Variants in TENM2 observed in about 807,000 individuals in gnomAD.
The protein encoded by TENM2 is teneurin-2.
In TENM2, 52 loss-of-function variants were observed where a neutral mutation model predicts 245.2. The observed-to-expected ratio is 0.21, with a 90% confidence interval of 0.17 to 0.27. The LOEUF is 0.27. TENM2 is among the 10% of genes least tolerant of loss of function. The pLI, the probability that TENM2 is intolerant of heterozygous loss-of-function variation, is 1.00. For synonymous variants in TENM2, 1,363 were observed against 1,438.9 expected, an observed-to-expected ratio of 0.95 and a Z score of 1.19; for missense variants, 3,046 against 3,666.8, an observed-to-expected ratio of 0.83 and a Z score of 4.37.
intron 2 of TENM2, among the ~76,000 whole-genome samples, chr5:167,452,962 T>TATATA (rs1406197551): frequency 5.2e-4 from 50 of 96,766 alleles, no homozygotes; most frequent in Non-Finnish European, 7.3e-4. Flanking sequence ...TATATATATA[T>TATATA]TTAAAAAAAA....
chr5:167,971,361 A>G (rs1452990587), intron 4 of TENM2, among the ~76,000 whole-genome samples: 2 of 72,816 alleles, frequency 2.7e-5, no homozygotes, highest in Admixed American at 3.3e-4. Flanking sequence ...ACTACATTAG[A>G]AAATATTAGA....
chr5:168,229,979 C>T (rs548448747), intron 25 of TENM2: 45 of 152,298 alleles, frequency 3.0e-4, no homozygotes, highest in African/African-American at 1.1e-3. Context: ...GTAATCGTGC[C>T]TTTTCTCTGA....
At chr5:167,786,210 A>G (rs1036510341) in intron 2 of TENM2, among the ~76,000 whole-genome samples, 5 of 152,176 alleles carry the variant, frequency 3.3e-5, no homozygotes, top group African/African-American at 9.7e-5. Flanking sequence ...GCAGAATGCT[A>G]TTGTTTACAC....
chr5:167,294,656 A>G (rs149431294), intron 1 of TENM2, among the ~76,000 whole-genome samples: 278 of 152,152 alleles, frequency 1.8e-3, no homozygotes, highest in Non-Finnish European at 2.9e-3. Flanking sequence ...ATTAATGTAC[A>G]TAGGACATAT....
chr5:167,523,261 C>T (rs932397106), intron 2 of TENM2, among the ~76,000 whole-genome samples: 2 of 152,158 alleles, frequency 1.3e-5, no homozygotes, highest in African/African-American at 4.8e-5. Context: ...AGGAAATAGA[C>T]ATCTGTTTCT....
chr5:167,748,371 A>AT (rs1196828641), intron 2 of TENM2, among the ~76,000 whole-genome samples: 6 of 63,244 alleles, frequency 9.5e-5, no homozygotes, highest in Admixed American at 2.2e-4. Flanking sequence ...AATAAGAATG[A>AT]TTTTTTTTAG....
intron 3 of TENM2, among the ~76,000 whole-genome samples, chr5:167,920,550 C>CACACAT (rs1777292030): frequency 6.6e-6 from 1 of 151,106 alleles, no homozygotes; most frequent in Admixed American, 6.6e-5. Flanking sequence ...CACACACACA[C>CACACAT]ACACACAAAT....
chr5:168,242,550 C>CT (rs1310738481), intron 25 of TENM2, among the ~76,000 whole-genome samples: 5 of 150,022 alleles, frequency 3.3e-5, no homozygotes, highest in South Asian at 2.1e-4. Flanking sequence ...CTGTTTGAAG[C>CT]TTTTTTTATC....
At chr5:167,116,168 A>G in the TENM2 span, 1 of 152,232 alleles carries the variant, frequency 6.6e-6, no homozygotes, top group Non-Finnish European at 1.5e-5. Context: ...ACTTTGAAGG[A>G]TAAACAGAAG....
At chr5:167,954,383 G>A (rs1475789861) in intron 4 of TENM2, among the ~76,000 whole-genome samples, 2 of 152,062 alleles carry the variant, frequency 1.3e-5, no homozygotes, top group Non-Finnish European at 1.5e-5. Flanking sequence ...AATTTTATTA[G>A]GTGCAGTTTT....
At chr5:167,789,023 T>C (rs898669073) in intron 2 of TENM2, among the ~76,000 whole-genome samples, 1 of 152,180 alleles carries the variant, frequency 6.6e-6, no homozygotes, top group African/African-American at 2.4e-5. Context: ...CGTCCTGTGA[T>C]CTACGAATCT....
At chr5:167,812,538 A>G (rs547265163) in intron 2 of TENM2, among the ~76,000 whole-genome samples, 5 of 152,308 alleles carry the variant, frequency 3.3e-5, no homozygotes, top group African/African-American at 1.2e-4. Flanking sequence ...CTGCTCGTGG[A>G]CATTTAATGC....
intron 2 of TENM2, among the ~76,000 whole-genome samples, chr5:167,521,902 T>A (rs1770779087): frequency 6.6e-6 from 1 of 152,298 alleles, no homozygotes; most frequent in East Asian, 1.9e-4. Context: ...ATCTTTCTCT[T>A]ACCAAGAAGA....
At chr5:167,319,018 T>C (rs1022414195) in intron 1 of TENM2, among the ~76,000 whole-genome samples, 2 of 152,208 alleles carry the variant, frequency 1.3e-5, no homozygotes, top group Admixed American at 6.5e-5. Flanking sequence ...GGCTTTCTTT[T>C]ATGGGATATT....
chr5:167,179,286 G>A, the TENM2 span, among the ~76,000 whole-genome samples: 1 of 152,116 alleles, frequency 6.6e-6, no homozygotes, highest in Non-Finnish European at 1.5e-5. Flanking sequence ...GGAAAAAATT[G>A]GCCGTGAGGT....
At chr5:167,165,774 C>T in the TENM2 span, among the ~76,000 whole-genome samples, 1 of 152,044 alleles carries the variant, frequency 6.6e-6, no homozygotes, top group African/African-American at 2.4e-5. Flanking sequence ...GATAATAAGA[C>T]AAGATGTACA....
chr5:168,162,640 G>A (rs1757851510), exon 13 of TENM2: 2 of 1,613,942 alleles, frequency 1.2e-6, no homozygotes, highest in East Asian at 2.2e-5. Context: ...CAACGGTAAC[G>A]GGAGATGCAC....
the TENM2 span, among the ~76,000 whole-genome samples, chr5:167,210,214 A>G: frequency 1.3e-5 from 2 of 152,206 alleles, no homozygotes; most frequent in East Asian, 1.9e-4. Flanking sequence ...CTTAGCTGAT[A>G]GTGCTTGATA....
intron 2 of TENM2, among the ~76,000 whole-genome samples, chr5:167,536,039 A>C (rs1771817481): frequency 6.6e-6 from 1 of 152,124 alleles, no homozygotes; most frequent in Admixed American, 6.5e-5. Flanking sequence ...TAGTGTGAAG[A>C]TACTCTATAG....
Sources: allele counts gnomAD v4.1 joint callset (sites outside exome capture counted in the v4.1 genomes callset), GRCh38; gene constraint gnomAD v4.1.1; transcripts MANE v1.5; gene names NCBI Gene and HGNC (gene_info 2026-07-23, HGNC 2026-07-21).